Variants in RFTN1 observed in about 807,000 individuals in gnomAD.
RFTN1 encodes raftlin.
RFTN1 carries 26 observed loss-of-function variants against 46.5 expected under a neutral mutation model. The observed-to-expected ratio is 0.56, with a 90% CI of 0.41 to 0.78. RFTN1 has a LOEUF of 0.78. Among genes scored for constraint, RFTN1 ranks in the 30% least tolerant of loss-of-function variants. The pLI, the probability that RFTN1 is intolerant of heterozygous loss-of-function variation, is 0.00. For missense variants in RFTN1, 693 were observed against 718.7 expected, an observed-to-expected ratio of 0.96 and a Z score of 0.41; for synonymous variants, 261 against 284.2, an observed-to-expected ratio of 0.92 and a Z score of 0.82.
intron 4 of RFTN1, among the ~76,000 whole-genome samples, chr3:16,390,042 G>A (rs916714615): frequency 6.6e-6 from 1 of 152,196 alleles, no homozygotes; most frequent in Non-Finnish European, 1.5e-5. Flanking sequence ...CATCTTGAAA[G>A]TAGATCCCCC....
rs998953983 is a variant in RFTN1, at chr3:16,440,695, G to A, written c.146-6658C>T. Among the ~76,000 whole-genome samples the A allele has an allele frequency of 6.6e-6, 1 of 151,902 alleles. No individual in the cohort carries two copies. Among genetic ancestry groups the A allele is most frequent in the Non-Finnish European group, 1.5e-5 (1 of 67,994 alleles). ...AAGATGGTTACTGCTAATGGGGGGG[G>A]GGCCCAATGGTGCCAGAACTTCTAA... On this transcript the variant is annotated intron_variant, in intron 2 of 9. Transcript: ENST00000334133. This position sits in a 1 kb window ranked among gnomAD's most constrained non-coding sequence, Gnocchi z 4.6.
intron 6 of RFTN1, among the ~76,000 whole-genome samples, chr3:16,365,016 G>A (rs2073067149): frequency 6.6e-6 from 1 of 152,226 alleles, no homozygotes; most frequent in African/African-American, 2.4e-5. Flanking sequence ...TTTTACGTGT[G>A]TGCTAAACTG....
intron 4 of RFTN1, among the ~76,000 whole-genome samples, chr3:16,395,522 T>G (rs767987382): frequency 3.9e-5 from 6 of 151,966 alleles, no homozygotes; most frequent in Non-Finnish European, 8.8e-5. Context: ...CATAGCTCAC[T>G]GTAACTTCGA....
chr3:16,431,575 G>A (rs2075389013), intron 3 of RFTN1, among the ~76,000 whole-genome samples: 3 of 151,842 alleles, frequency 2.0e-5, no homozygotes. Flanking sequence ...CACCGCCTAT[G>A]GCAGATCACA....
In RFTN1 at chr3:16,378,025, G is replaced by C. The variant is rs1379363280; in HGVS notation, c.519C>G (p.Gly173=). The change falls in exon 5 of 10, where the codon GGC becomes GGG. Residue 173 remains glycine, a synonymous_variant. Transcript: ENST00000334133. ...TGGCAGTAGACACCGGAGCACTGCT[G>C]CCTGCCGAGTTCACAGAGGAATGGT... The part of the protein sequence containing the change: ...PQYHSSVNSA[G]SSAPVSTANS... The C allele has an allele frequency of 6.2e-7, 1 of 1,614,258 alleles. No homozygotes were observed. Among genetic ancestry groups the C allele is most frequent in the Non-Finnish European group, 8.5e-7 (1 of 1,180,046 alleles).
rs893344351 is a variant in RFTN1 at position 16,465,951 on chromosome 3, T to C, written c.145+27774A>G. Among the ~76,000 whole-genome samples, 7 of 152,180 alleles carry C rather than the reference T, an allele frequency of 4.6e-5. No homozygotes were observed. The highest frequency in any genetic ancestry group is 1.9e-4 in the East Asian group (1 of 5,198). ...CTCGGGCCTCCCTGACAAGATTCCA[T>C]AGTTGTTTCTCTCAGCGCTTAGATT... is the stretch of plus-strand genomic sequence containing the variant. On this transcript the variant is annotated intron_variant, in intron 2 of 9. Coordinates refer to ENST00000334133, the MANE Select transcript of RFTN1 (RefSeq NM_015150.2). The surrounding 1 kb of genome is among the most constrained non-coding windows in gnomAD (Gnocchi z 5.1).
At chr3:16,397,295 AAAG>A (rs1449003988) in intron 4 of RFTN1, among the ~76,000 whole-genome samples, 1 of 152,102 alleles carries the variant, frequency 6.6e-6, no homozygotes, top group Non-Finnish European at 1.5e-5. Context: ...GAATCAAAAA[AAAG>A]AAAATATCAA....
At position 16,316,839 on chromosome 3, in the gene RFTN1, C is replaced by T; in HGVS notation, c.1726G>A (p.Glu576Lys). Reference sequence around the variant, plus strand: ...AAATTGCCCAAGACTCAGTTTTCTTCAACCGTACCAAGCTCTCTGACTTCC... The same window carrying T: ...AAATTGCCCAAGACTCAGTTTTCTTTAACCGTACCAAGCTCTCTGACTTCC... ...AEEVRELGTV[E>K]EN is the part of the protein sequence containing the mutation. Residue 576 changes from glutamate (E) to lysine (K), a missense_variant, in exon 10 of 10, where the codon GAA (glutamate) becomes AAA (lysine). Physicochemically the swap from Glu to Lys is moderately conservative, Grantham distance 56. Coordinates refer to ENST00000334133, the MANE Select transcript of RFTN1 (RefSeq NM_015150.2). The surrounding 1 kb of genome is among the most constrained non-coding windows in gnomAD (Gnocchi z 4.5). 6.2e-7 allele frequency: 1 copy of T among 1,613,980 alleles called. No homozygotes were observed. Among genetic ancestry groups the T allele is most frequent in the Non-Finnish European group, 8.5e-7 (1 of 1,179,996 alleles).
Position 16,499,957 on chromosome 3 carries a change from T to C in RFTN1, c.-8-6080A>G, listed in dbSNP as rs998294009. Among the ~76,000 whole-genome samples the C allele has an allele frequency of 2.6e-5, 4 of 152,216 alleles. No homozygotes were observed. The highest frequency in any genetic ancestry group is 9.6e-5 in the African/African-American group (4 of 41,458). ...CTGTTAATGAAAAAATGCTTCTCTT[T>C]ACACATGTAGGATGTCCAGATACTG... On this transcript the variant is annotated intron_variant, in intron 1 of 9. Coordinates refer to ENST00000334133, the MANE Select transcript of RFTN1 (RefSeq NM_015150.2). This position sits in a 1 kb window ranked among gnomAD's most constrained non-coding sequence, Gnocchi z 4.9.
chr3:16,324,218 A>C (rs1053517430), intron 8 of RFTN1, among the ~76,000 whole-genome samples: 1 of 152,194 alleles, frequency 6.6e-6, no homozygotes, highest in African/African-American at 2.4e-5. Context: ...ATATGTTTAC[A>C]ATGTGGACTG....
chr3:16,440,873 G>A lies in RFTN1; in HGVS notation c.146-6836C>T, dbSNP rs1305088174. ...CATTTGATAAAGTTGGGGGATGGAT[G>A]CCCCGCACTTCTTCCTATTTCTGAT... On this transcript the variant is annotated intron_variant, in intron 2 of 9. Transcript: ENST00000334133. The surrounding 1 kb of genome is among the most constrained non-coding windows in gnomAD (Gnocchi z 4.6). Among the ~76,000 whole-genome samples, 8 of 152,298 alleles carry A rather than the reference G, an allele frequency of 5.3e-5. No individual in the cohort carries two copies. Among genetic ancestry groups the A allele is most frequent in the African/African-American group, 1.7e-4 (7 of 41,562 alleles).
chr3:16,391,871 T>G (rs1427866205), intron 4 of RFTN1, among the ~76,000 whole-genome samples: 196 of 16,088 alleles, frequency 0.012, 4 homozygotes, highest in African/African-American at 0.041. Flanking sequence ...TTTTTTTTGT[T>G]TTTTTTTTTT....
At position 16,359,032 on chromosome 3, in the gene RFTN1, CAAAA is replaced by C. The variant is rs771185605; in HGVS notation, c.1031-989_1031-986del. Among the ~76,000 whole-genome samples the C allele has an allele frequency of 4.2e-3, 378 of 89,510 alleles. 2 individuals are homozygous for C. Among genetic ancestry groups the C allele is most frequent in the Middle Eastern group, 0.022 (4 of 178 alleles). The allele number at this position is 89,510 out of a possible 152,430, so 58.7% of individuals were successfully genotyped here. On this transcript the variant is annotated intron_variant, in intron 6 of 9. Coordinates refer to ENST00000334133, the MANE Select transcript of RFTN1 (RefSeq NM_015150.2). The stretch of plus-strand genomic sequence containing the variant: ...GGGTGACAGAGCGAGATTCTGTCTC[CAAAA>C]AAAAAAAAAAAAAAAAGAAATACTG...
intron 6 of RFTN1, among the ~76,000 whole-genome samples, chr3:16,365,667 C>G (rs1054928600): frequency 1.1e-4 from 16 of 152,096 alleles, no homozygotes; most frequent in Admixed American, 3.9e-4. Flanking sequence ...CATGTGACCC[C>G]TATGTGATGC....
intron 9 of RFTN1, among the ~76,000 whole-genome samples, chr3:16,319,848 C>T (rs1011836242): frequency 1.3e-5 from 2 of 152,204 alleles, no homozygotes; most frequent in Admixed American, 6.5e-5. Flanking sequence ...TGAGCTCTGA[C>T]ATCCACACCA....
intron 2 of RFTN1, among the ~76,000 whole-genome samples, chr3:16,467,089 A>C (rs1168218465): frequency 1.3e-5 from 2 of 152,140 alleles, no homozygotes; most frequent in African/African-American, 2.4e-5. Flanking sequence ...TACACAAAAC[A>C]AAAAGGGGGG....
In RFTN1 at chr3:16,509,101, T is replaced by C. The variant is rs1013953366; in HGVS notation, c.-9+4341A>G. On this transcript the variant is annotated intron_variant, in intron 1 of 9. Transcript: ENST00000334133. This position sits in a 1 kb window ranked among gnomAD's most constrained non-coding sequence, Gnocchi z 4.9. ...TTCTGTTCCTTCAATAAAATTGTAA[T>C]CCTAATCAACCAATAATATTTTAAA... Among the ~76,000 whole-genome samples, 2 of 152,230 alleles carry C rather than the reference T, an allele frequency of 1.3e-5. No homozygotes were observed. The highest frequency in any genetic ancestry group is 4.8e-5 in the African/African-American group (2 of 41,452).
At chr3:16,467,211 G>A (rs2076111463) in intron 2 of RFTN1, among the ~76,000 whole-genome samples, 1 of 152,170 alleles carries the variant, frequency 6.6e-6, no homozygotes, top group Admixed American at 6.5e-5. Flanking sequence ...AGAGATGCTG[G>A]AAAGAATAAT....
At chr3:16,436,110 T>C (rs929832958) in intron 2 of RFTN1, among the ~76,000 whole-genome samples, 1 of 151,784 alleles carries the variant, frequency 6.6e-6, no homozygotes, top group Non-Finnish European at 1.5e-5. Context: ...TGGTAACTTA[T>C]ATTTATCTTA....
Sources: gnomAD v4.1 joint callset for allele counts (sites outside exome capture counted in the v4.1 genomes callset) on GRCh38, gnomAD v4.1.1 for gene constraint, Gnocchi (gnomAD v3.1) non-coding constraint, MANE v1.5 for transcripts, NCBI Gene and HGNC (gene_info 2026-07-23, HGNC 2026-07-21) for gene names.